MOB3B: variants seen among roughly 807,000 people sequenced by gnomAD.
The protein encoded by MOB3B is MOB kinase activator 3B, also known as MOB kinase activator-like 2B.
Under a neutral mutation model 18.7 loss-of-function variants are expected in MOB3B, and 7 were observed. The observed-to-expected ratio is 0.37, with a 90% confidence interval of 0.21 to 0.70. MOB3B has a LOEUF of 0.70. Among genes scored for constraint, MOB3B ranks in the 30% least tolerant of loss-of-function variants. MOB3B has a pLI of 0.52. For missense variants in MOB3B, 253 were observed against 281.3 expected (o/e 0.90, Z 0.72); for synonymous variants, 111 against 99.9 (o/e 1.11, Z -0.66).
rs909540140 is a variant in MOB3B at position 27,328,426 on chromosome 9, T to C, written c.*2161A>G. The C allele has an allele frequency of 7.9e-5, 12 of 151,638 alleles. No homozygotes were observed. Among genetic ancestry groups the C allele is most frequent in the Non-Finnish European group, 1.6e-4 (11 of 67,952 alleles). 9.4% of individuals were successfully genotyped at this position (151,638 alleles called of 1,614,324 possible). A position where few individuals can be genotyped will look rare whatever the true frequency, so the allele number is the denominator to read the frequency against. ...AAGGGTAGTTTGCCAGAATTTACCC[T>C]AGAAGAGTTCATTAGTGCAATTAAC... On this transcript the variant is annotated 3_prime_UTR_variant, in exon 4 of 4. Transcript: ENST00000262244.
At chr9:27,420,223 C>A (rs1286300520) in intron 2 of MOB3B, among the ~76,000 whole-genome samples, 1 of 152,070 alleles carries the variant, frequency 6.6e-6, no homozygotes, top group African/African-American at 2.4e-5. Context: ...TAAACTAGTA[C>A]AGGCACTATG....
intron 2 of MOB3B, among the ~76,000 whole-genome samples, chr9:27,444,952 GGT>G (rs1822668369): frequency 6.6e-6 from 1 of 152,058 alleles, no homozygotes; most frequent in South Asian, 2.1e-4. Context: ...ACTCTTAGTT[GGT>G]ATTCAAATTT....
chr9:27,496,519 T>G (rs1165371714), intron 1 of MOB3B, among the ~76,000 whole-genome samples: 1 of 152,228 alleles, frequency 6.6e-6, no homozygotes, highest in Non-Finnish European at 1.5e-5. Flanking sequence ...TCCAGGTACA[T>G]GTAAAAGTTT....
At chr9:27,384,848 C>T (rs1173335861) in intron 2 of MOB3B, among the ~76,000 whole-genome samples, 1 of 152,166 alleles carries the variant, frequency 6.6e-6, no homozygotes, top group Non-Finnish European at 1.5e-5. Flanking sequence ...CCACCTGTGC[C>T]TTGGGGGAGA....
Position 27,361,056 on chromosome 9 carries a change from C to T in MOB3B, c.419-1820G>A, listed in dbSNP as rs115836644. Among the ~76,000 whole-genome samples the T allele has an allele frequency of 6.8e-3, 1,030 of 152,238 alleles. 15 individuals are homozygous for T. Among genetic ancestry groups the T allele is most frequent in the African/African-American group, 0.023 (940 of 41,542 alleles). The stretch of plus-strand genomic sequence containing the variant: ...CCTGAGTCCCAGAAGTGATGAAATT[C>T]CCTCTAAGATAGGTATGTTTCCTTC... On this transcript the variant is annotated intron_variant, in intron 2 of 3. Transcript: ENST00000262244.
At chr9:27,378,557 G>A in intron 2 of MOB3B, 1 of 471,094 alleles carries the variant, frequency 2.1e-6, no homozygotes, top group Non-Finnish European at 4.4e-6. Flanking sequence ...GACCGTGAAG[G>A]TGAGGGCCGG....
chr9:27,522,420 CATATATATATA>C (rs1234388640), intron 1 of MOB3B, among the ~76,000 whole-genome samples: 18 of 141,380 alleles, frequency 1.3e-4, no homozygotes, highest in African/African-American at 4.8e-4. Context: ...GACATTTTTT[CATATATATATA>C]TATATATATA....
At position 27,455,140 on chromosome 9, in the gene MOB3B, T is replaced by A; in HGVS notation, c.411A>T (p.Thr137=). 1 of 1,614,112 alleles carries A rather than the reference T, an allele frequency of 6.2e-7. No individual in the cohort carries two copies. The highest frequency in any genetic ancestry group is 1.7e-5 in the Admixed American group (1 of 60,020). Residue 137 remains threonine (T), a synonymous_variant, in exon 2 of 4, where the codon ACA becomes ACT. Transcript: ENST00000262244. ...AGCTGGTAATGAACTTACCCACGCA[T>A]GTTGGAAATATTTCCTCGTTGTTGA... ...VQINNEEIFP[T]CVGVPFPKNF...
intron 3 of MOB3B, among the ~76,000 whole-genome samples, chr9:27,355,814 G>C (rs1042939699): frequency 1.3e-5 from 2 of 152,002 alleles, no homozygotes; most frequent in African/African-American, 4.8e-5. Flanking sequence ...TGCCTGCCTC[G>C]AGAGCATAGA....
chr9:27,498,769 T>C (rs537627389), intron 1 of MOB3B, among the ~76,000 whole-genome samples: 29 of 152,360 alleles, frequency 1.9e-4, no homozygotes, highest in African/African-American at 6.5e-4. Context: ...GCAGTTGCTA[T>C]GTAGAGATAA....
At chr9:27,402,904 G>A (rs1197578118) in intron 2 of MOB3B, among the ~76,000 whole-genome samples, 1 of 152,224 alleles carries the variant, frequency 6.6e-6, no homozygotes, top group East Asian at 1.9e-4. Flanking sequence ...TGTGCGATGA[G>A]CCTTTAGCTG....
At chr9:27,427,523 C>T (rs531453732) in intron 2 of MOB3B, among the ~76,000 whole-genome samples, 39 of 152,296 alleles carry the variant, frequency 2.6e-4, no homozygotes, top group Non-Finnish European at 4.7e-4. Context: ...GGTAGTCATG[C>T]CTCTGGGATA....
intron 3 of MOB3B, among the ~76,000 whole-genome samples, chr9:27,338,220 C>T (rs570038831): frequency 3.3e-5 from 5 of 152,330 alleles, no homozygotes; most frequent in African/African-American, 1.2e-4. Context: ...CATCTTTGCA[C>T]ACTTGTTCCT....
chr9:27,436,809 G>A (rs1822508357), intron 2 of MOB3B, among the ~76,000 whole-genome samples: 1 of 152,076 alleles, frequency 6.6e-6, no homozygotes, highest in African/African-American at 2.4e-5. Context: ...AGAAACAGAA[G>A]GGATCTAGGT....
At chr9:27,407,036 A>G (rs1005383442) in intron 2 of MOB3B, among the ~76,000 whole-genome samples, 1 of 152,040 alleles carries the variant, frequency 6.6e-6, no homozygotes, top group South Asian at 2.1e-4. Context: ...ACGGGGTTTC[A>G]CCATGTTGGC....
chr9:27,361,782 A>C (rs1821278108), intron 2 of MOB3B, among the ~76,000 whole-genome samples: 2 of 152,198 alleles, frequency 1.3e-5, no homozygotes, highest in Non-Finnish European at 2.9e-5. Context: ...CTGACTCCAA[A>C]GTCCACGAGC....
intron 1 of MOB3B, among the ~76,000 whole-genome samples, chr9:27,490,657 G>A (rs1819802489): frequency 6.6e-6 from 1 of 152,124 alleles, no homozygotes; most frequent in Non-Finnish European, 1.5e-5. Flanking sequence ...TGGGAGAGGA[G>A]GTCCAGATGG....
At chr9:27,501,505 A>G (rs1045810553) in intron 1 of MOB3B, among the ~76,000 whole-genome samples, 1 of 150,872 alleles carries the variant, frequency 6.6e-6, no homozygotes, top group African/African-American at 2.4e-5. Context: ...CAAGGACAGA[A>G]AGCCAAACAC....
At chr9:27,345,616 T>G (rs889578841) in intron 3 of MOB3B, among the ~76,000 whole-genome samples, 12 of 152,338 alleles carry the variant, frequency 7.9e-5, no homozygotes, top group Non-Finnish European at 1.3e-4. Context: ...ATTTGTTACC[T>G]GCCTGACTCT....
Sources: gnomAD v4.1 joint callset for allele counts (sites outside exome capture counted in the v4.1 genomes callset) on GRCh38, gnomAD v4.1.1 for gene constraint, MANE v1.5 for transcripts, NCBI Gene and HGNC (gene_info 2026-07-23, HGNC 2026-07-21) for gene names.